Variants in RPS6KC1 observed in about 807,000 individuals in gnomAD.
RPS6KC1 encodes the protein inactive ribosomal protein S6 kinase delta-1.
In RPS6KC1, 54 loss-of-function variants were observed where a neutral mutation model predicts 103.8. The ratio of observed to expected loss-of-function variants is 0.52; its 90% CI spans 0.42 to 0.65. RPS6KC1 has a LOEUF of 0.65. RPS6KC1 is among the 30% of genes least tolerant of loss of function. The pLI is 0.00. For missense variants in RPS6KC1, 1,151 were observed against 1,253.8 expected (o/e 0.92, Z 1.24); for synonymous variants, 439 against 438.7 (o/e 1.00, Z -0.01).
At chr1:213,424,222 C>T in the RPS6KC1 span, among the ~76,000 whole-genome samples, 2 of 152,218 alleles carry the variant, frequency 1.3e-5, no homozygotes, top group Non-Finnish European at 2.9e-5. Flanking sequence ...CCTAAGAAGA[C>T]TTTTCCAACT....
chr1:213,636,402 G>T, the RPS6KC1 span, among the ~76,000 whole-genome samples: 13 of 152,150 alleles, frequency 8.5e-5, no homozygotes, highest in Non-Finnish European at 1.5e-4. Context: ...GCATGGTACT[G>T]GTACCAAAAC....
the RPS6KC1 span, among the ~76,000 whole-genome samples, chr1:213,693,146 TCCTTCAATCTATTCTCAGCAG>T: frequency 6.6e-6 from 1 of 152,188 alleles, no homozygotes; most frequent in Non-Finnish European, 1.5e-5. Flanking sequence ...CCTCTTGCCT[TCCTTCAATCTATTCTCAGCAG>T]CCTTCAATCT....
the RPS6KC1 span, among the ~76,000 whole-genome samples, chr1:213,515,545 T>C: frequency 3.3e-5 from 5 of 152,208 alleles, no homozygotes; most frequent in Admixed American, 2.6e-4. Context: ...GTTGTAGATA[T>C]GTGGCATTAT....
the RPS6KC1 span, among the ~76,000 whole-genome samples, chr1:213,648,877 C>G: frequency 3.9e-5 from 6 of 152,290 alleles, no homozygotes; most frequent in African/African-American, 1.4e-4. Context: ...CCACTTGTCT[C>G]ATGCCAACAT....
chr1:213,342,172 C>T, the RPS6KC1 span, among the ~76,000 whole-genome samples: 37 of 152,298 alleles, frequency 2.4e-4, no homozygotes, highest in Non-Finnish European at 4.1e-4. Context: ...TTCCAGCTGA[C>T]CTACCAGACG....
chr1:213,058,657 A>G (rs2077556586), intron 1 of RPS6KC1, among the ~76,000 whole-genome samples: 1 of 152,156 alleles, frequency 6.6e-6, no homozygotes, highest in African/African-American at 2.4e-5. Flanking sequence ...CTTGATTATT[A>G]TAGCTTTATA....
chr1:213,742,488 A>C, the RPS6KC1 span, among the ~76,000 whole-genome samples: 1 of 152,250 alleles, frequency 6.6e-6, no homozygotes, highest in Non-Finnish European at 1.5e-5. Context: ...GGAACATTTT[A>C]GCTGAAGAAT....
the RPS6KC1 span, among the ~76,000 whole-genome samples, chr1:213,450,507 G>A: frequency 6.6e-6 from 1 of 152,042 alleles, no homozygotes; most frequent in Non-Finnish European, 1.5e-5. Flanking sequence ...GGGTGCCTGT[G>A]GTGGCTTGTC....
At chr1:213,691,751 C>T in the RPS6KC1 span, among the ~76,000 whole-genome samples, 3 of 152,192 alleles carry the variant, frequency 2.0e-5, no homozygotes, top group Non-Finnish European at 4.4e-5. Flanking sequence ...TGGGAGGTGG[C>T]TGGGTCCTGA....
the RPS6KC1 span, among the ~76,000 whole-genome samples, chr1:213,421,613 AC>A: frequency 1.3e-5 from 2 of 152,210 alleles, no homozygotes; most frequent in Non-Finnish European, 2.9e-5. Flanking sequence ...GGTGGAACCC[AC>A]CACCCCTCAG....
At chr1:213,603,854 T>A in the RPS6KC1 span, among the ~76,000 whole-genome samples, 85 of 151,910 alleles carry the variant, frequency 5.6e-4, 1 homozygote, top group Middle Eastern at 3.4e-3. Flanking sequence ...AGGGAGACTC[T>A]GTCTCAAAAA....
chr1:213,412,985 C>T, the RPS6KC1 span, among the ~76,000 whole-genome samples: 1 of 152,216 alleles, frequency 6.6e-6, no homozygotes, highest in South Asian at 2.1e-4. Flanking sequence ...TTCCTCTTAA[C>T]TATGTTTTAA....
the RPS6KC1 span, among the ~76,000 whole-genome samples, chr1:213,792,767 GAAC>G: frequency 6.6e-6 from 1 of 152,214 alleles, no homozygotes; most frequent in East Asian, 1.9e-4. Flanking sequence ...TAGCCTAAAA[GAAC>G]AACATTTTCA....
At chr1:213,178,840 G>A (rs1393165783) in intron 8 of RPS6KC1, among the ~76,000 whole-genome samples, 1 of 151,862 alleles carries the variant, frequency 6.6e-6, no homozygotes, top group African/African-American at 2.4e-5. Context: ...TCAGCCTCCT[G>A]AGTAGCTGGG....
the RPS6KC1 span, among the ~76,000 whole-genome samples, chr1:213,665,836 T>A: frequency 2.6e-5 from 4 of 152,204 alleles, no homozygotes; most frequent in African/African-American, 9.6e-5. Flanking sequence ...TACTATAAAA[T>A]ACTGTGTAGT....
At chr1:213,722,098 T>C in the RPS6KC1 span, among the ~76,000 whole-genome samples, 4 of 152,166 alleles carry the variant, frequency 2.6e-5, no homozygotes, top group African/African-American at 9.7e-5. Flanking sequence ...ATGCTGGGCC[T>C]GGAGTCTGCA....
At chr1:213,707,243 A>G in the RPS6KC1 span, among the ~76,000 whole-genome samples, 5 of 152,132 alleles carry the variant, frequency 3.3e-5, no homozygotes, top group Non-Finnish European at 5.9e-5. Flanking sequence ...TCAGCATTCT[A>G]ACTGGCATGA....
chr1:213,090,619 T>G (rs766461957), intron 3 of RPS6KC1, among the ~76,000 whole-genome samples: 13 of 152,188 alleles, frequency 8.5e-5, no homozygotes, highest in African/African-American at 1.4e-4. Context: ...ATTCTGTTTT[T>G]AATTAATTTT....
At chr1:213,069,488 G>C (rs1330330432) in intron 1 of RPS6KC1, among the ~76,000 whole-genome samples, 1 of 152,176 alleles carries the variant, frequency 6.6e-6, no homozygotes, top group Non-Finnish European at 1.5e-5. Context: ...AAACCTGTAA[G>C]AGGAACTGTA....
Sources: gnomAD v4.1 joint callset for allele counts (sites outside exome capture counted in the v4.1 genomes callset) on GRCh38, gnomAD v4.1.1 for gene constraint, MANE v1.5 for transcripts, NCBI Gene and HGNC (gene_info 2026-07-23, HGNC 2026-07-21) for gene names.